Variants in PRUNE2 observed in about 807,000 individuals in gnomAD.
PRUNE2 encodes the protein prune homolog 2 with BCH domain.
In PRUNE2, 164 loss-of-function variants were observed where a neutral mutation model predicts 252.0. That is an observed-to-expected ratio of 0.65 (90% CI 0.57 to 0.74). The LOEUF is 0.74. Among genes scored for constraint, PRUNE2 ranks in the 30% least tolerant of loss-of-function variants. The probability of loss-of-function intolerance (pLI) is 0.00; values close to 1 mark genes in which losing one functional copy is unlikely to be tolerated. For missense variants in PRUNE2, 3,495 were observed against 3,711.0 expected (o/e 0.94, Z 1.51); for synonymous variants, 1,292 against 1,350.2 (o/e 0.96, Z 0.94).
chr9:76,777,592 G>T (rs1589169756), intron 6 of PRUNE2, among the ~76,000 whole-genome samples: 1 of 152,176 alleles, frequency 6.6e-6, no homozygotes, highest in South Asian at 2.1e-4. Flanking sequence ...GCATTCTTGG[G>T]GATACAGTAT....
At chr9:76,860,174 T>A (rs191685560) in intron 1 of PRUNE2, among the ~76,000 whole-genome samples, 230 of 152,276 alleles carry the variant, frequency 1.5e-3, no homozygotes, top group African/African-American at 5.1e-3. Flanking sequence ...AAATGCCAAA[T>A]CTGAAACATA....
intron 9 of PRUNE2, among the ~76,000 whole-genome samples, chr9:76,673,916 G>C (rs2042020436): frequency 6.6e-6 from 1 of 151,954 alleles, no homozygotes; most frequent in Non-Finnish European, 1.5e-5. Flanking sequence ...AAAATAATAA[G>C]AGCTATCTAT....
At chr9:76,866,538 G>A (rs1344894639) in intron 1 of PRUNE2, among the ~76,000 whole-genome samples, 1 of 152,168 alleles carries the variant, frequency 6.6e-6, no homozygotes, top group South Asian at 2.1e-4. Context: ...CAAGACATAC[G>A]CCTGCCTTCC....
chr9:76,843,346 G>A (rs1589531507), intron 4 of PRUNE2, among the ~76,000 whole-genome samples: 1 of 152,130 alleles, frequency 6.6e-6, no homozygotes, highest in East Asian at 1.9e-4. Context: ...AGGGGAGGGA[G>A]AGCATTAGGA....
intron 11 of PRUNE2, among the ~76,000 whole-genome samples, chr9:76,645,311 G>T (rs1462307072): frequency 6.6e-6 from 1 of 152,124 alleles, no homozygotes; most frequent in Non-Finnish European, 1.5e-5. Flanking sequence ...AAATCTTGGG[G>T]TTTTGGGGCC....
At position 76,624,979 on chromosome 9, in the gene PRUNE2, A is replaced by G. The variant is rs1007769930; in HGVS notation, c.9150-489T>C. 8 of 1,248,968 alleles carry G rather than the reference A, an allele frequency of 6.4e-6. No individual in the cohort carries two copies. The African/African-American group carries it at 1.2e-4, about 19-fold the overall frequency. 77.4% of individuals were successfully genotyped at this position (1,248,968 alleles called of 1,614,324 possible). A position where few individuals can be genotyped will look rare whatever the true frequency, so the allele number is the denominator to read the frequency against. On this transcript the variant is annotated intron_variant, in intron 16 of 18. Coordinates refer to ENST00000376718, the MANE Select transcript of PRUNE2 (RefSeq NM_015225.3). ...TCACCCACAAGTAAAACACTGGTGTACACACACAGGGTCCAGCATGAATAG... is the reference window on the plus strand; with the variant it reads ...TCACCCACAAGTAAAACACTGGTGTGCACACACAGGGTCCAGCATGAATAG...
chr9:76,695,303 G>A (rs2045279763), intron 9 of PRUNE2, among the ~76,000 whole-genome samples: 1 of 152,226 alleles, frequency 6.6e-6, no homozygotes. Context: ...CTTGCAAAGT[G>A]CTGGGATTAC....
At position 76,880,039 on chromosome 9, in the gene PRUNE2, G is replaced by A. The variant is rs1419779410; in HGVS notation, c.37-25831C>T. On this transcript the variant is annotated intron_variant, in intron 1 of 18. Coordinates refer to ENST00000376718, the MANE Select transcript of PRUNE2 (RefSeq NM_015225.3). Reference sequence around the variant, plus strand: ...TGCCATTCTCCTGCCTCAGCCTCCCGAGTAGCTGGGACTACAGGCACGCGC... The same window carrying A: ...TGCCATTCTCCTGCCTCAGCCTCCCAAGTAGCTGGGACTACAGGCACGCGC... 4.1e-5 allele frequency among the ~76,000 whole-genome samples: 6 copies of A among 145,460 alleles called. No homozygotes were observed. In the South Asian group the frequency reaches 7.1e-4, roughly 17 times the overall value.
In PRUNE2 at chr9:76,703,714, C is replaced by T; in HGVS notation, c.7899G>A (p.Trp2633Ter). ...SFESPAQDQS[W>*]MFLGHSEVGD... ...CAACCTCACTATGGCCCAAGAACAT[C>T]CAACTCTGGTCTTGTGCAGGGCTTT... Residue 2633 changes from tryptophan (W) to a stop codon, truncating the protein, a stop_gained, in exon 9 of 19, where the codon TGG becomes TGA. Transcript: ENST00000376718. LOFTEE classifies it high-confidence loss of function. 6.2e-7 allele frequency: 1 copy of T among 1,613,590 alleles called. No homozygotes were observed. Among genetic ancestry groups the T allele is most frequent in the Non-Finnish European group, 8.5e-7 (1 of 1,179,882 alleles).
At chr9:76,657,663 T>C (rs999403741) in intron 9 of PRUNE2, among the ~76,000 whole-genome samples, 13 of 152,294 alleles carry the variant, frequency 8.5e-5, no homozygotes, top group African/African-American at 3.1e-4. Flanking sequence ...ATAAATACAA[T>C]CCAAATAAAA....
chr9:76,895,002 G>C (rs1733013073), intron 1 of PRUNE2, among the ~76,000 whole-genome samples: 1 of 151,794 alleles, frequency 6.6e-6, no homozygotes. Flanking sequence ...CTCCAGCCTA[G>C]CAACAGAGCA....
chr9:76,616,393 T>C (rs1459139601), intron 18 of PRUNE2, among the ~76,000 whole-genome samples: 2 of 152,236 alleles, frequency 1.3e-5, no homozygotes, highest in Non-Finnish European at 2.9e-5. Flanking sequence ...ACGGTGTTGG[T>C]TGACTTTTTC....
chr9:76,794,632 A>AAAAAAG (rs1554773258), intron 6 of PRUNE2, among the ~76,000 whole-genome samples: 9 of 122,608 alleles, frequency 7.3e-5, no homozygotes, highest in African/African-American at 3.3e-4. Context: ...AAAAAAAAAG[A>AAAAAAG]AAAGAAAAGA....
At chr9:76,755,110 C>T (rs2051015637) in intron 6 of PRUNE2, among the ~76,000 whole-genome samples, 1 of 151,476 alleles carries the variant, frequency 6.6e-6, no homozygotes, top group East Asian at 1.9e-4. Flanking sequence ...TATTGGAGGA[C>T]TTCTGTATTC....
rs2058169851 is a variant in PRUNE2 at position 76,823,674 on chromosome 9, T to A, written c.714A>T (p.Gly238=). The change falls in exon 6 of 19, where the codon GGA becomes GGT. Residue 238 remains glycine, a synonymous_variant. Transcript: ENST00000376718. ...CAGTACTAATGGCCACTTTTATTTC[T>A]CCATCTGACAGCTCCTTTAGATCTT... ...MLKDLKELSD[G]EIKVAISTVS... is the part of the protein sequence containing the mutation. 1 of 1,612,276 alleles carries A rather than the reference T, an allele frequency of 6.2e-7. No individual in the cohort carries two copies. Among genetic ancestry groups the A allele is most frequent in the Non-Finnish European group, 8.5e-7 (1 of 1,178,402 alleles).
intron 1 of PRUNE2, among the ~76,000 whole-genome samples, chr9:76,871,663 C>G (rs1047075906): frequency 6.6e-6 from 1 of 152,232 alleles, no homozygotes; most frequent in Non-Finnish European, 1.5e-5. Context: ...GAGTCTCACT[C>G]TGTTACCTAG....
intron 9 of PRUNE2, among the ~76,000 whole-genome samples, chr9:76,670,753 C>G (rs7857110): frequency 9.9e-5 from 15 of 151,740 alleles, no homozygotes; most frequent in South Asian, 2.1e-4. Flanking sequence ...CCCTGACCCC[C>G]GAGCAGCCTA....
At chr9:76,900,594 G>A (rs1253678846) in intron 1 of PRUNE2, among the ~76,000 whole-genome samples, 1 of 152,278 alleles carries the variant, frequency 6.6e-6, no homozygotes, top group South Asian at 2.1e-4. Context: ...TAGGAATGCT[G>A]CCTCCTGAAT....
intron 1 of PRUNE2, among the ~76,000 whole-genome samples, chr9:76,903,710 C>G (rs992390646): frequency 2.6e-5 from 4 of 152,094 alleles, no homozygotes; most frequent in Non-Finnish European, 2.9e-5. Context: ...GCCTCTGCCC[C>G]CCTAGTAGCT....
Sources: allele counts gnomAD v4.1 joint callset (sites outside exome capture counted in the v4.1 genomes callset), GRCh38; gene constraint gnomAD v4.1.1; transcripts MANE v1.5; gene names NCBI Gene and HGNC (gene_info 2026-07-23, HGNC 2026-07-21).